Variants in CNBD1 observed in about 807,000 individuals in gnomAD.
CNBD1 encodes cyclic nucleotide-binding domain-containing protein 1.
A neutral mutation model predicts 54.4 loss-of-function variants in CNBD1; 71 were observed. The ratio of observed to expected loss-of-function variants is 1.30; its 90% CI spans 1.08 to 1.59. The LOEUF (loss-of-function observed/expected upper bound fraction) is 1.59, where lower values mean the gene tolerates loss of function less well. CNBD1 is among the 40% of genes most tolerant of loss of function. The probability of loss-of-function intolerance (pLI) is 0.00; values close to 1 mark genes in which losing one functional copy is unlikely to be tolerated. For missense variants in CNBD1, 659 were observed against 518.0 expected (o/e 1.27, Z -2.64); for synonymous variants, 182 against 170.7 (o/e 1.07, Z -0.51).
At chr8:87,276,749 G>A (rs1036394618) in intron 6 of CNBD1, among the ~76,000 whole-genome samples, 3 of 151,812 alleles carry the variant, frequency 2.0e-5, no homozygotes, top group Non-Finnish European at 2.9e-5. Flanking sequence ...AGAAAGAAGG[G>A]AAATACATTA....
chr8:87,018,343 C>G (rs538238315), intron 4 of CNBD1, among the ~76,000 whole-genome samples: 2 of 152,140 alleles, frequency 1.3e-5, no homozygotes, highest in Non-Finnish European at 2.9e-5. Context: ...CTAAAACTTA[C>G]CTTGCACACA....
intron 6 of CNBD1, among the ~76,000 whole-genome samples, chr8:87,279,229 C>G (rs1808541554): frequency 6.6e-6 from 1 of 150,928 alleles, no homozygotes; most frequent in Non-Finnish European, 1.5e-5. Flanking sequence ...TTTAGTAAGA[C>G]AAGGATGCAT....
chr8:87,126,497 G>GT (rs2130721374), intron 4 of CNBD1, among the ~76,000 whole-genome samples: 1 of 151,902 alleles, frequency 6.6e-6, no homozygotes, highest in African/African-American at 2.4e-5. Flanking sequence ...TTTTTAAACT[G>GT]TTTTTTAAAT....
chr8:87,371,920 A>T (rs1810813538), intron 10 of CNBD1, among the ~76,000 whole-genome samples: 1 of 151,866 alleles, frequency 6.6e-6, no homozygotes, highest in Non-Finnish European at 1.5e-5. Context: ...CCCTTTGAAA[A>T]CTGGCACAAG....
At chr8:87,379,104 G>T (rs1481612545) in intron 10 of CNBD1, among the ~76,000 whole-genome samples, 1 of 151,208 alleles carries the variant, frequency 6.6e-6, no homozygotes, top group Admixed American at 6.6e-5. Flanking sequence ...CTGCAAACAG[G>T]GACAATTTGA....
At chr8:87,033,871 A>ATATT in intron 4 of CNBD1, among the ~76,000 whole-genome samples, 1 of 152,116 alleles carries the variant, frequency 6.6e-6, no homozygotes, top group Middle Eastern at 3.4e-3. Flanking sequence ...TGCTGGCATT[A>ATATT]TATTTATTAG....
intron 4 of CNBD1, among the ~76,000 whole-genome samples, chr8:86,971,938 A>G (rs973168875): frequency 1.3e-5 from 2 of 151,964 alleles, no homozygotes; most frequent in African/African-American, 4.8e-5. Flanking sequence ...TTCATTTATT[A>G]TCTTAATGCA....
intron 8 of CNBD1, among the ~76,000 whole-genome samples, chr8:87,307,723 G>C (rs1345331790): frequency 7.7e-6 from 1 of 130,644 alleles, no homozygotes; most frequent in Non-Finnish European, 1.6e-5. Context: ...GGGCAAAAGA[G>C]TGAAACTCCG....
intron 4 of CNBD1, among the ~76,000 whole-genome samples, chr8:87,131,850 G>A (rs1812123880): frequency 6.6e-6 from 1 of 151,832 alleles, no homozygotes; most frequent in Non-Finnish European, 1.5e-5. Flanking sequence ...ATTTCATTTG[G>A]TATCACCTCT....
At chr8:87,356,416 T>C (rs80016822) in intron 10 of CNBD1, among the ~76,000 whole-genome samples, 3,675 of 152,274 alleles carry the variant, frequency 0.024, 150 homozygotes, top group African/African-American at 0.081. Flanking sequence ...ATGAGGAATC[T>C]ATTGGAAAAT....
At chr8:87,104,190 ATGT>A (rs1811487205) in intron 4 of CNBD1, among the ~76,000 whole-genome samples, 1 of 152,236 alleles carries the variant, frequency 6.6e-6, no homozygotes, top group Non-Finnish European at 1.5e-5. Flanking sequence ...GAATATAAAA[ATGT>A]TGTCATGGAC....
intron 3 of CNBD1, among the ~76,000 whole-genome samples, chr8:86,935,017 G>GTTTGTTTGTTTA (rs749935209): frequency 2.0e-4 from 13 of 65,838 alleles, no homozygotes; most frequent in African/African-American, 4.8e-4. Flanking sequence ...TTGTTTGTTT[G>GTTTGTTTGTTTA]TTTATTTATT....
chr8:87,384,063 C>T (rs1811139750), downstream of CNBD1, among the ~76,000 whole-genome samples: 1 of 151,994 alleles, frequency 6.6e-6, no homozygotes, highest in Non-Finnish European at 1.5e-5. Flanking sequence ...TTATGTTAGT[C>T]TGCCTTCAAA....
At chr8:87,334,989 G>T (rs772694177) in intron 8 of CNBD1, among the ~76,000 whole-genome samples, 1 of 152,032 alleles carries the variant, frequency 6.6e-6, no homozygotes, top group Non-Finnish European at 1.5e-5. Context: ...CTCCCAAAGT[G>T]CTGGGATTAC....
intron 4 of CNBD1, among the ~76,000 whole-genome samples, chr8:87,151,247 C>T (rs370652720): frequency 3.9e-5 from 6 of 152,098 alleles, no homozygotes; most frequent in African/African-American, 1.2e-4. Context: ...AGATGGGGTG[C>T]GTACATATTC....
chr8:86,996,438 A>G (rs1050876628), intron 4 of CNBD1, among the ~76,000 whole-genome samples: 9 of 152,212 alleles, frequency 5.9e-5, no homozygotes, highest in African/African-American at 1.9e-4. Flanking sequence ...CTAATGCAAA[A>G]CTAGTTTATA....
chr8:87,351,865 T>G lies in CNBD1; in HGVS notation c.1152+71T>G, dbSNP rs1228903903. 12 of 1,279,410 alleles carry G rather than the reference T, an allele frequency of 9.4e-6. No individual in the cohort carries two copies. In the South Asian group the frequency reaches 1.5e-4, roughly 16 times the overall value. The allele number at this position is 1,279,410 out of a possible 1,614,324, so 79.3% of individuals were successfully genotyped here. On this transcript the variant is annotated intron_variant, in intron 9 of 10. Coordinates refer to ENST00000518476, the MANE Select transcript of CNBD1 (RefSeq NM_173538.3). ...AAGAATAGTGTCAGATACCTTTTCA[T>G]GTACTTACTAGACATTTATTTGTAT...
chr8:86,924,830 T>C (rs550550903), intron 3 of CNBD1, among the ~76,000 whole-genome samples: 12 of 152,230 alleles, frequency 7.9e-5, no homozygotes, highest in Non-Finnish European at 1.8e-4. Flanking sequence ...TAATCATCTC[T>C]GAACAAGTTG....
At chr8:86,920,030 CTG>C (rs963957983) in intron 3 of CNBD1, among the ~76,000 whole-genome samples, 14 of 151,996 alleles carry the variant, frequency 9.2e-5, no homozygotes, top group Admixed American at 7.9e-4. Context: ...AGTCACCAAA[CTG>C]TAACTTTTCT....
Sources: allele counts gnomAD v4.1 joint callset (sites outside exome capture counted in the v4.1 genomes callset), GRCh38; gene constraint gnomAD v4.1.1; transcripts MANE v1.5; gene names NCBI Gene and HGNC (gene_info 2026-07-23, HGNC 2026-07-21).